Variants in RAB11FIP1 observed in about 807,000 individuals in gnomAD.
RAB11FIP1 encodes the protein rab11 family-interacting protein 1.
RAB11FIP1 carries 49 observed loss-of-function variants against 83.1 expected under a neutral mutation model. The observed-to-expected ratio is 0.59, with a 90% CI of 0.47 to 0.75. The LOEUF (loss-of-function observed/expected upper bound fraction) is 0.75. RAB11FIP1 is among the 30% of genes least tolerant of loss of function. The pLI, the probability that RAB11FIP1 is intolerant of heterozygous loss-of-function variation, is 0.00. For synonymous variants in RAB11FIP1, 670 were observed against 656.0 expected, an observed-to-expected ratio of 1.02 and a Z score of -0.33; for missense variants, 1,536 against 1,598.7, an observed-to-expected ratio of 0.96 and a Z score of 0.67.
At chr8:37,888,238 C>G (rs374060234) in intron 1 of RAB11FIP1, among the ~76,000 whole-genome samples, 5 of 151,148 alleles carry the variant, frequency 3.3e-5, no homozygotes, top group African/African-American at 1.2e-4. Flanking sequence ...TCCTGAGTAG[C>G]TGGGATTACA....
rs886145100 is a variant in RAB11FIP1, at chr8:37,859,298, A to C, written c.*3597T>G. ...AGGGTGGGAGGGAGGATGGTGCGTC[A>C]TTTAACATTAAATTGCCTCTCTCTA... On this transcript the variant is annotated 3_prime_UTR_variant, in exon 6 of 6. Transcript: ENST00000330843. 6.6e-6 allele frequency: 1 copy of C among 152,348 alleles called. No homozygotes were observed. Among genetic ancestry groups the C allele is most frequent in the East Asian group, 1.9e-4 (1 of 5,188 alleles). The allele number at this position is 152,348 out of a possible 1,614,324, so 9.4% of individuals were successfully genotyped here. A position where few individuals can be genotyped will look rare whatever the true frequency, so the allele number is the denominator to read the frequency against.
At position 37,861,549 on chromosome 8, in the gene RAB11FIP1, T is replaced by C. The variant is rs973972023; in HGVS notation, c.*1346A>G. 9 of 442,934 alleles carry C rather than the reference T, an allele frequency of 2.0e-5. No individual in the cohort carries two copies. In the Admixed American group the frequency reaches 2.3e-4, roughly 12 times the overall value. 27.4% of individuals were successfully genotyped at this position (442,934 alleles called of 1,614,324 possible). A position where few individuals can be genotyped will look rare whatever the true frequency, so the allele number is the denominator to read the frequency against. Reference sequence around the variant, plus strand: ...CCTGTAGAGTGAAGGGGCTTCTTTTTTTCTTTTTAGTTTTTTTTAAGACAG... The same window carrying C: ...CCTGTAGAGTGAAGGGGCTTCTTTTCTTCTTTTTAGTTTTTTTTAAGACAG... On this transcript the variant is annotated 3_prime_UTR_variant, in exon 6 of 6. Coordinates refer to ENST00000330843, the MANE Select transcript of RAB11FIP1 (RefSeq NM_001002814.3).
intron 1 of RAB11FIP1, among the ~76,000 whole-genome samples, chr8:37,883,756 T>C (rs1287004297): frequency 4.6e-5 from 7 of 152,208 alleles, no homozygotes; most frequent in African/African-American, 1.7e-4. Context: ...CAGCATGTGA[T>C]GGCAGCGTGG....
chr8:37,881,035 C>G (rs1478522843), intron 1 of RAB11FIP1, among the ~76,000 whole-genome samples: 1 of 152,212 alleles, frequency 6.6e-6, no homozygotes, highest in Non-Finnish European at 1.5e-5. Flanking sequence ...TCCCTGCCCC[C>G]ACTGCTACGG....
At chr8:37,866,701 A>G (rs892687488) in intron 5 of RAB11FIP1, among the ~76,000 whole-genome samples, 7 of 152,218 alleles carry the variant, frequency 4.6e-5, no homozygotes, top group African/African-American at 1.7e-4. Context: ...ACACTGTAGT[A>G]ATGATCCAGC....
chr8:37,873,331 G>A lies in RAB11FIP1; in HGVS notation c.1623-152C>T, dbSNP rs139359270. The A allele has an allele frequency of 9.5e-4, 798 of 841,292 alleles. 1 individual carries two copies. The Middle Eastern group carries it at 0.013, about 14-fold the overall frequency. The allele number at this position is 841,292 out of a possible 1,614,324, so 52.1% of individuals were successfully genotyped here. ...GTTAAAAAAGGAACGCTAGCCGGGC[G>A]CGGTGGCTCACGCCTGTAATCCCAG... On this transcript the variant is annotated intron_variant, in intron 3 of 5. Coordinates refer to ENST00000330843, the MANE Select transcript of RAB11FIP1 (RefSeq NM_001002814.3).
In RAB11FIP1 at chr8:37,877,217, A is replaced by T; in HGVS notation, c.706T>A (p.Ser236Thr). The T allele has an allele frequency of 6.2e-7, 1 of 1,614,146 alleles. No individual in the cohort carries two copies. The highest frequency in any genetic ancestry group is 8.5e-7 in the Non-Finnish European group (1 of 1,179,994). Residue 236 changes from serine (S) to threonine (T), a missense_variant, in exon 2 of 6, where the codon TCT (serine) becomes ACT (threonine). Ser to Thr is a moderately conservative substitution (Grantham distance 58). Coordinates refer to ENST00000330843, the MANE Select transcript of RAB11FIP1 (RefSeq NM_001002814.3). ...TCTGGCTTTGAAGTCGGCAGGACAGACATGGACTGGGAAAGAGGCGTCTTC... is the reference window on the plus strand; with the variant it reads ...TCTGGCTTTGAAGTCGGCAGGACAGTCATGGACTGGGAAAGAGGCGTCTTC... ...LQKTPLSQSM[S>T]VLPTSKPEKV...
chr8:37,882,017 AG>A (rs1806740720), intron 1 of RAB11FIP1, among the ~76,000 whole-genome samples: 1 of 152,206 alleles, frequency 6.6e-6, no homozygotes, highest in African/African-American at 2.4e-5. Flanking sequence ...GCACCTGAAA[AG>A]GAGAAGTTGC....
At position 37,872,052 on chromosome 8, in the gene RAB11FIP1, T is replaced by A; in HGVS notation, c.2750A>T (p.Asp917Val). 1 of 1,614,072 alleles carries A rather than the reference T, an allele frequency of 6.2e-7. No homozygotes were observed. Among genetic ancestry groups the A allele is most frequent in the Non-Finnish European group, 8.5e-7 (1 of 1,180,020 alleles). The change falls in exon 4 of 6, where the codon GAT becomes GTT. Residue 917 changes from aspartate to valine, a missense_variant. Asp to Val is a radical substitution (Grantham distance 152). Coordinates refer to ENST00000330843, the MANE Select transcript of RAB11FIP1 (RefSeq NM_001002814.3). The stretch of plus-strand genomic sequence containing the variant: ...GCTCTGATACTGAGTCACAAGGGCA[T>A]CCTCTCCCTCCATCCTAAAGAGTGG... ...DTPLFRMEGE[D>V]ALVTQYQSKA...
intron 1 of RAB11FIP1, among the ~76,000 whole-genome samples, chr8:37,896,301 C>T (rs370628984): frequency 2.0e-5 from 3 of 150,258 alleles, no homozygotes; most frequent in Admixed American, 6.6e-5. Flanking sequence ...CAGAGTGAGA[C>T]GCCATCTCAA....
At chr8:37,873,206 C>G in intron 3 of RAB11FIP1, 27 bp from the exon 4 acceptor site, 1 of 1,545,632 alleles carries the variant, frequency 6.5e-7, no homozygotes, top group East Asian at 2.2e-5. Flanking sequence ...ATAAAATCTG[C>G]AGGTCAGTGC....
At chr8:37,890,525 A>G (rs1806926096) in intron 1 of RAB11FIP1, among the ~76,000 whole-genome samples, 1 of 152,158 alleles carries the variant, frequency 6.6e-6, no homozygotes, top group Non-Finnish European at 1.5e-5. Context: ...ATTTTCCTCT[A>G]ACAGATTATC....
At chr8:37,891,392 T>C (rs1356386187) in intron 1 of RAB11FIP1, among the ~76,000 whole-genome samples, 1 of 152,174 alleles carries the variant, frequency 6.6e-6, no homozygotes, top group African/African-American at 2.4e-5. Context: ...AAGCACAATT[T>C]TCCAGGGCGT....
intron 1 of RAB11FIP1, among the ~76,000 whole-genome samples, chr8:37,883,303 A>G (rs982432972): frequency 6.6e-6 from 1 of 151,794 alleles, no homozygotes; most frequent in Non-Finnish European, 1.5e-5. Flanking sequence ...GGTTCAACCG[A>G]TTCTCCTGCC....
rs1806176078 is a variant in RAB11FIP1 at position 37,858,772 on chromosome 8, G to C, written c.*4123C>G. 1 of 152,250 alleles carries C rather than the reference G, an allele frequency of 6.6e-6. No homozygotes were observed. Among genetic ancestry groups the C allele is most frequent in the Non-Finnish European group, 1.5e-5 (1 of 68,062 alleles). The allele number at this position is 152,250 out of a possible 1,614,324, so 9.4% of individuals were successfully genotyped here. A position where few individuals can be genotyped will look rare whatever the true frequency, so the allele number is the denominator to read the frequency against. ...GGGACCAGACATGTCCGTCCTCTTT[G>C]AGAAAAAGGGCCTTGGGACTCCTGG... On this transcript the variant is annotated 3_prime_UTR_variant, in exon 6 of 6. Transcript: ENST00000330843.
intron 1 of RAB11FIP1, among the ~76,000 whole-genome samples, chr8:37,893,833 C>T (rs1399883098): frequency 6.6e-6 from 1 of 151,948 alleles, no homozygotes; most frequent in Non-Finnish European, 1.5e-5. Context: ...GGAAAAAAAG[C>T]AGGTAGAACT....
chr8:37,898,525 C>T (rs558445742), intron 1 of RAB11FIP1, among the ~76,000 whole-genome samples: 50 of 152,012 alleles, frequency 3.3e-4, no homozygotes, highest in Non-Finnish European at 6.2e-4. Flanking sequence ...TGGTGGCGCA[C>T]GCCTGTAGTC....
Position 37,872,581 on chromosome 8 carries a change from C to T in RAB11FIP1, c.2221G>A (p.Val741Ile). ...SLSSDGAVSP[V>I]GELAAGGDRD... ...TCTCCTCCTGCTGCAAGCTCCCCAACAGGGCTCACAGCTCCATCACTGCTG... is the reference window on the plus strand; with the variant it reads ...TCTCCTCCTGCTGCAAGCTCCCCAATAGGGCTCACAGCTCCATCACTGCTG... The change falls in exon 4 of 6, where the codon GTT becomes ATT. Residue 741 changes from valine (V) to isoleucine (I), a missense_variant. Transcript: ENST00000330843. 1 of 1,614,238 alleles carries T rather than the reference C, an allele frequency of 6.2e-7. No homozygotes were observed.
At chr8:37,878,868 G>A (rs1381570433) in intron 1 of RAB11FIP1, among the ~76,000 whole-genome samples, 1 of 151,814 alleles carries the variant, frequency 6.6e-6, no homozygotes, top group African/African-American at 2.4e-5. Flanking sequence ...GCATGGTGGT[G>A]TGCGCCTATA....
Sources: gnomAD v4.1 joint callset for allele counts (sites outside exome capture counted in the v4.1 genomes callset) on GRCh38, gnomAD v4.1.1 for gene constraint, MANE v1.5 for transcripts, NCBI Gene and HGNC (gene_info 2026-07-23, HGNC 2026-07-21) for gene names.